The following ZNF286A variants were observed in gnomAD, a reference collection of about 807,000 sequenced individuals.
ZNF286A encodes zinc finger protein ZNF286.
ZNF286A carries 34 observed loss-of-function variants against 49.3 expected under a neutral mutation model. The ratio of observed to expected loss-of-function variants is 0.69; its 90% CI spans 0.52 to 0.92. The LOEUF is 0.92. ZNF286A is among the 40% of genes least tolerant of loss of function. The pLI is 0.00. For missense variants in ZNF286A, 462 were observed against 600.2 expected, an observed-to-expected ratio of 0.77 and a Z score of 2.41; for synonymous variants, 155 against 200.4, an observed-to-expected ratio of 0.77 and a Z score of 1.91.
In ZNF286A at chr17:15,719,981, C is replaced by T. The variant is rs924208296; in HGVS notation, c.*2691C>T. 3.3e-5 allele frequency: 5 copies of T among 152,132 alleles called. No homozygotes were observed. The highest frequency in any genetic ancestry group is 9.7e-5 in the African/African-American group (4 of 41,434). 9.4% of individuals were successfully genotyped at this position (152,132 alleles called of 1,614,324 possible). A position where few individuals can be genotyped will look rare whatever the true frequency, so the allele number is the denominator to read the frequency against. On this transcript the variant is annotated 3_prime_UTR_variant, in exon 6 of 6. Transcript: ENST00000583566. ...GAGAATTCAAGTTATTGAAACTTGC[C>T]AAATTCTTGAGTGAAGAGGAATTCA...
chr17:15,716,831 C>T lies in ZNF286A; in HGVS notation c.1107C>T (p.Leu369=). The change falls in exon 6 of 6, where the codon CTC becomes CTT. Residue 369 remains leucine, a synonymous_variant. Coordinates refer to ENST00000583566, the MANE Select transcript of ZNF286A (RefSeq NM_001130842.2). ...AAGCTTTTATTCATTCATCAGCACT[C>T]ATTAAACATCAAAGAACTCATACTG... is the stretch of plus-strand genomic sequence containing the variant. ...CDKAFIHSSA[L]IKHQRTHTGE... is the part of the protein sequence containing the mutation. 2 of 1,612,036 alleles carry T rather than the reference C, an allele frequency of 1.2e-6. No homozygotes were observed. Among genetic ancestry groups the T allele is most frequent in the Non-Finnish European group, 1.7e-6 (2 of 1,179,300 alleles).
At chr17:15,703,744 G>A (rs1317416686) in intron 3 of ZNF286A, among the ~76,000 whole-genome samples, 4 of 152,170 alleles carry the variant, frequency 2.6e-5, no homozygotes, top group Middle Eastern at 3.4e-3. Flanking sequence ...TTTTTATAAG[G>A]GAAATTTGCT....
chr17:15,706,406 A>T lies in ZNF286A; in HGVS notation c.146A>T (p.Asp49Val). ...TTTTAGGAAACAGTGACATTCAAGG[A>T]TGTGGCCATGGACTTTACACCAGAG... ...ARSQETVTFK[D>V]VAMDFTPEEW... Residue 49 changes from aspartate to valine, a missense_variant, in exon 4 of 6, where the codon GAT becomes GTT. Asp to Val is a radical substitution (Grantham distance 152). Transcript: ENST00000583566. The T allele has an allele frequency of 6.2e-7, 1 of 1,613,996 alleles. No homozygotes were observed. The highest frequency in any genetic ancestry group is 8.5e-7 in the Non-Finnish European group (1 of 1,179,916).
chr17:15,708,107 C>T (rs1469722696), intron 4 of ZNF286A, 48 bp from the exon 5 acceptor site: 5 of 1,367,518 alleles, frequency 3.7e-6, no homozygotes, highest in Non-Finnish European at 4.9e-6. Context: ...AAATAACTTA[C>T]TCCCATTACT....
intron 5 of ZNF286A, among the ~76,000 whole-genome samples, chr17:15,714,062 G>T (rs1157862783): frequency 1.3e-5 from 2 of 151,968 alleles, no homozygotes; most frequent in Non-Finnish European, 2.9e-5. Context: ...GGTATAAACA[G>T]AATTGCTTTA....
At chr17:15,709,520 A>G (rs1990488433) in intron 5 of ZNF286A, among the ~76,000 whole-genome samples, 2 of 152,024 alleles carry the variant, frequency 1.3e-5, no homozygotes, top group Non-Finnish European at 2.9e-5. Flanking sequence ...AAAGAAAAGA[A>G]ACCCTTTTAT....
chr17:15,712,945 G>A (rs1264998545), intron 5 of ZNF286A, among the ~76,000 whole-genome samples: 1 of 152,062 alleles, frequency 6.6e-6, no homozygotes, highest in East Asian at 1.9e-4. Flanking sequence ...CTCTAGTGTA[G>A]CAGTTCTGAA....
At chr17:15,711,967 G>A (rs939136593) in intron 5 of ZNF286A, among the ~76,000 whole-genome samples, 3 of 148,580 alleles carry the variant, frequency 2.0e-5, no homozygotes, top group Admixed American at 6.8e-5. Context: ...TGCCTCCTGG[G>A]TTCACGCCAT....
chr17:15,706,388 A>C lies in ZNF286A; in HGVS notation c.128A>C (p.Glu43Ala). ...TGAAAAAAATATTTTATGTTTTAGG[A>C]AACAGTGACATTCAAGGATGTGGCC... is the stretch of plus-strand genomic sequence containing the variant. ...AALRLTARSQ[E>A]TVTFKDVAMD... is the part of the protein sequence containing the mutation. The change falls in exon 4 of 6, where the codon GAA becomes GCA. Residue 43 changes from glutamate to alanine, a missense_variant and splice_region_variant. This residue lies in a region of ZNF286A where 259 missense variants were observed against 272.2 expected (regional missense o/e 0.95). Transcript: ENST00000583566. The C allele has an allele frequency of 1.2e-6, 2 of 1,612,856 alleles. No homozygotes were observed. The highest frequency in any genetic ancestry group is 1.7e-6 in the Non-Finnish European group (2 of 1,178,956).
intron 5 of ZNF286A, among the ~76,000 whole-genome samples, chr17:15,709,090 G>A (rs1400201933): frequency 6.6e-6 from 1 of 152,010 alleles, no homozygotes; most frequent in Non-Finnish European, 1.5e-5. Context: ...TGTTCCACAT[G>A]CTTGTCAACA....
At chr17:15,703,394 A>G (rs1399484396) in intron 3 of ZNF286A, among the ~76,000 whole-genome samples, 1 of 151,988 alleles carries the variant, frequency 6.6e-6, no homozygotes, top group African/African-American at 2.4e-5. Context: ...TAAAAATGCA[A>G]TATTGGAGCT....
At chr17:15,712,170 C>A (rs542434661) in intron 5 of ZNF286A, among the ~76,000 whole-genome samples, 1 of 152,326 alleles carries the variant, frequency 6.6e-6, no homozygotes, top group Admixed American at 6.5e-5. Context: ...CTGCGTCCAG[C>A]AATAATCTCC....
At position 15,706,479 on chromosome 17, in the gene ZNF286A, C is replaced by T. The variant is rs767112566; in HGVS notation, c.219C>T (p.Asn73=). 6.2e-7 allele frequency: 1 copy of T among 1,609,942 alleles called. No individual in the cohort carries two copies. Among genetic ancestry groups the T allele is most frequent in the Non-Finnish European group, 8.5e-7 (1 of 1,178,152 alleles). The change falls in exon 4 of 6, where the codon AAC becomes AAT. Residue 73 remains asparagine (N), a synonymous_variant. Transcript: ENST00000583566. ...DPAQRDVMLE[N]YRNLVSLWLP... ...CACAAAGGGATGTGATGCTGGAGAA[C>T]TATAGGAACCTAGTCTCACTTTGTA...
chr17:15,704,850 G>A, intron 3 of ZNF286A: 5 of 1,612,710 alleles, frequency 3.1e-6, no homozygotes, highest in Non-Finnish European at 4.2e-6. Context: ...TCACCTCCTT[G>A]TACACCAGGC....
intron 3 of ZNF286A, chr17:15,704,910 C>T (rs1217152565): frequency 2.5e-5 from 39 of 1,583,756 alleles, no homozygotes; most frequent in East Asian, 2.3e-5. Context: ...TGGCTGCGGC[C>T]GGCCGGGGGC....
chr17:15,700,719 G>A, intron 2 of ZNF286A: 1 of 486,462 alleles, frequency 2.1e-6, no homozygotes, highest in Non-Finnish European at 3.8e-6. Flanking sequence ...TTTCATGAAG[G>A]TTGTGCTGTG....
At chr17:15,702,971 T>G (rs1989899389) in intron 3 of ZNF286A, among the ~76,000 whole-genome samples, 2 of 152,208 alleles carry the variant, frequency 1.3e-5, no homozygotes, top group African/African-American at 2.4e-5. Context: ...GCTTACATCT[T>G]CCTGTGTTGA....
At chr17:15,704,952 G>C (rs1240674225) in intron 3 of ZNF286A, 3 of 1,474,762 alleles carry the variant, frequency 2.0e-6, no homozygotes, top group African/African-American at 1.4e-5. Flanking sequence ...TGCGTTCTTC[G>C]GTCCGCCGGC....
chr17:15,709,793 A>G (rs1354041389), intron 5 of ZNF286A: 7 of 1,530,346 alleles, frequency 4.6e-6, no homozygotes, highest in Non-Finnish European at 4.4e-6. Flanking sequence ...AATAAACTGA[A>G]CAGTTTATTT....
Sources: allele counts gnomAD v4.1 joint callset (sites outside exome capture counted in the v4.1 genomes callset), GRCh38; gene constraint gnomAD v4.1.1; regional missense constraint gnomAD v4.1.1; transcripts MANE v1.5; gene names NCBI Gene and HGNC (gene_info 2026-07-23, HGNC 2026-07-21).